The following HLCS variants were observed in gnomAD, a reference collection of about 807,000 sequenced individuals.
HLCS encodes the protein holocarboxylase synthetase.
Under a neutral mutation model 75.0 loss-of-function variants are expected in HLCS, and 53 were observed. That is an observed-to-expected ratio of 0.71 (90% confidence interval 0.57 to 0.89). The LOEUF (loss-of-function observed/expected upper bound fraction) is 0.89. Among genes scored for constraint, HLCS ranks in the 40% least tolerant of loss-of-function variants. The pLI is 0.00. For synonymous variants in HLCS, 431 were observed against 428.6 expected, an observed-to-expected ratio of 1.01 and a Z score of -0.07; for missense variants, 966 against 1,074.0, an observed-to-expected ratio of 0.90 and a Z score of 1.41.
chr21:36,761,339 T>C (rs1030779397), intron 8 of HLCS, among the ~76,000 whole-genome samples: 1 of 152,210 alleles, frequency 6.6e-6, no homozygotes, highest in Admixed American at 6.5e-5. Context: ...AGGCCTTCTT[T>C]TGACTTCGGC....
chr21:36,765,189 A>C lies in HLCS; in HGVS notation c.1961-17T>G. 1 of 1,614,128 alleles carries C rather than the reference A, an allele frequency of 6.2e-7. No individual in the cohort carries two copies. Among genetic ancestry groups the C allele is most frequent in the African/African-American group, 1.3e-5 (1 of 75,076 alleles). On this transcript the variant is annotated splice_polypyrimidine_tract_variant and intron_variant, in intron 7 of 10. Transcript: ENST00000674895. ...CTCCCCGTCCTGGAACACAGGCCAC[A>C]GTGGGAAACATGCTACCTTGCCACG...
At position 36,944,788 on chromosome 21, in the gene HLCS, C is replaced by T. The variant is rs1000414829; in HGVS notation, c.331-5794G>A. On this transcript the variant is annotated intron_variant, in intron 2 of 10. Coordinates refer to ENST00000674895, the MANE Select transcript of HLCS (RefSeq NM_001352514.2). ...TTGGCTCTCCCCAAGACGTTCTTCACGTAGTCACCAGGGTAATGTTATTAT... is the reference window on the plus strand; with the variant it reads ...TTGGCTCTCCCCAAGACGTTCTTCATGTAGTCACCAGGGTAATGTTATTAT... 1.4e-4 allele frequency among the ~76,000 whole-genome samples: 21 copies of T among 152,256 alleles called. No individual in the cohort carries two copies. In the South Asian group the frequency reaches 2.3e-3, roughly 17 times the overall value.
At chr21:36,816,592 C>T (rs1304948149) in intron 6 of HLCS, among the ~76,000 whole-genome samples, 1 of 152,236 alleles carries the variant, frequency 6.6e-6, no homozygotes, top group Non-Finnish European at 1.5e-5. Flanking sequence ...AACCATCCTT[C>T]TCTGGATTGC....
chr21:36,833,347 G>A (rs1311039221), intron 6 of HLCS, among the ~76,000 whole-genome samples: 2 of 151,148 alleles, frequency 1.3e-5, no homozygotes, highest in African/African-American at 4.9e-5. Context: ...CACTTTGGGA[G>A]GCCAAGGTGG....
chr21:36,888,494 A>ATATATT (rs2064626967), intron 6 of HLCS, among the ~76,000 whole-genome samples: 3 of 93,034 alleles, frequency 3.2e-5, no homozygotes, highest in South Asian at 3.1e-4. Flanking sequence ...ATATATATAT[A>ATATATT]TATTTATTTA....
chr21:36,926,599 C>A (rs2066417382), intron 5 of HLCS, among the ~76,000 whole-genome samples: 1 of 152,024 alleles, frequency 6.6e-6, no homozygotes, highest in Non-Finnish European at 1.5e-5. Flanking sequence ...TAACTAATAA[C>A]TAATTTGGCT....
chr21:36,967,396 A>C (rs2068653867), upstream of HLCS, among the ~76,000 whole-genome samples: 1 of 152,208 alleles, frequency 6.6e-6, no homozygotes. Context: ...AGGCTGTGCC[A>C]GGAAGGCTCC....
chr21:36,782,174 G>A (rs4816549), intron 6 of HLCS, among the ~76,000 whole-genome samples: 148,780 of 152,292 alleles, frequency 0.98, 72,696 homozygotes, highest in East Asian at 1. Flanking sequence ...TTACTTCATT[G>A]AAATGAATTT....
At chr21:36,908,443 A>C (rs977840225) in intron 5 of HLCS, among the ~76,000 whole-genome samples, 2 of 151,988 alleles carry the variant, frequency 1.3e-5, no homozygotes, top group Non-Finnish European at 2.9e-5. Context: ...AAAGATGTGG[A>C]GTAACTAGAA....
At position 36,748,752 on chromosome 21, in the gene HLCS, A is replaced by C. The variant is rs2089274360; in HGVS notation, c.*5494T>G. The C allele has an allele frequency of 6.5e-6, 1 of 152,676 alleles. No individual in the cohort carries two copies. The highest frequency in any genetic ancestry group is 1.5e-5 in the Non-Finnish European group (1 of 68,054). 9.5% of individuals were successfully genotyped at this position (152,676 alleles called of 1,614,324 possible). ...ATAGGTGTGCTTCCCAAATACATTA[A>C]CAAGCTCTTACTTCCCCCTAACCCC... On this transcript the variant is annotated 3_prime_UTR_variant, in exon 11 of 11. Coordinates refer to ENST00000674895, the MANE Select transcript of HLCS (RefSeq NM_001352514.2).
intron 6 of HLCS, among the ~76,000 whole-genome samples, chr21:36,835,496 C>T (rs2062377945): frequency 6.6e-6 from 1 of 152,218 alleles, no homozygotes; most frequent in Admixed American, 6.5e-5. Context: ...AATTTTATCA[C>T]TCTGTCCCTC....
chr21:36,781,498 T>C (rs532825464), intron 6 of HLCS, among the ~76,000 whole-genome samples: 1 of 152,294 alleles, frequency 6.6e-6, no homozygotes, highest in South Asian at 2.1e-4. Flanking sequence ...TTTGTTGCTA[T>C]TATGAATATA....
At chr21:36,803,000 T>C (rs2061253952) in intron 6 of HLCS, among the ~76,000 whole-genome samples, 1 of 152,128 alleles carries the variant, frequency 6.6e-6, no homozygotes, top group Non-Finnish European at 1.5e-5. Context: ...AAATTATGGA[T>C]GTGAAGAAAA....
intron 2 of HLCS, among the ~76,000 whole-genome samples, chr21:36,958,673 C>T (rs1389518759): frequency 6.6e-6 from 1 of 151,878 alleles, no homozygotes; most frequent in Admixed American, 6.6e-5. Flanking sequence ...CCTGTAGTCC[C>T]AGCTACTTGG....
chr21:36,853,620 T>C (rs553310537), intron 6 of HLCS, among the ~76,000 whole-genome samples: 2 of 152,344 alleles, frequency 1.3e-5, no homozygotes, highest in African/African-American at 4.8e-5. Context: ...GGTATAATGA[T>C]AACAATTTGG....
chr21:36,813,360 T>C (rs2061567251), intron 6 of HLCS, among the ~76,000 whole-genome samples: 1 of 152,220 alleles, frequency 6.6e-6, no homozygotes, highest in Non-Finnish European at 1.5e-5. Flanking sequence ...CTTATTTATG[T>C]TTTTCAGGTC....
At chr21:36,828,958 T>C (rs1316817916) in intron 6 of HLCS, among the ~76,000 whole-genome samples, 1 of 152,220 alleles carries the variant, frequency 6.6e-6, no homozygotes, top group Non-Finnish European at 1.5e-5. Context: ...AATGCAGGAT[T>C]AAAAAGTCCC....
At chr21:36,946,860 T>C (rs551939607) in intron 2 of HLCS, among the ~76,000 whole-genome samples, 1 of 152,260 alleles carries the variant, frequency 6.6e-6, no homozygotes, top group East Asian at 1.9e-4. Context: ...CCACCCAATG[T>C]TTCAGCAGAG....
chr21:36,765,112 G>C lies in HLCS; in HGVS notation c.2021C>G (p.Ser674Cys), dbSNP rs1318514090. The C allele has an allele frequency of 1.2e-6, 2 of 1,614,152 alleles. No homozygotes were observed. The highest frequency in any genetic ancestry group is 1.1e-5 in the South Asian group (1 of 91,076). Residue 674 changes from serine (S) to cysteine (C), a missense_variant, in exon 8 of 11, where the codon TCC becomes TGC. Physicochemically the swap from Ser to Cys is moderately radical, Grantham distance 112. Transcript: ENST00000674895. ...VGCALSTLLISIPLRSQLGQR... is the reference protein window; with the variant it reads ...VGCALSTLLICIPLRSQLGQR... ...TCCCAGCTGGGATCTCAGTGGAATG[G>C]AGATGAGCAGAGTAGAAAGAGCACA...
Sources: gnomAD v4.1 joint callset for allele counts (sites outside exome capture counted in the v4.1 genomes callset) on GRCh38, gnomAD v4.1.1 for gene constraint, MANE v1.5 for transcripts, NCBI Gene and HGNC (gene_info 2026-07-23, HGNC 2026-07-21) for gene names.